Variants in ALK observed in about 807,000 individuals in gnomAD.
ALK encodes the protein ALK receptor tyrosine kinase, also known as ALK tyrosine kinase receptor.
ALK carries 74 observed loss-of-function variants against 163.1 expected under a neutral mutation model. The observed-to-expected ratio is 0.45, with a 90% CI of 0.38 to 0.55. The LOEUF (loss-of-function observed/expected upper bound fraction) is 0.55. ALK is among the 20% of genes least tolerant of loss of function. The pLI, the probability that ALK is intolerant of heterozygous loss-of-function variation, is 0.00. For synonymous variants in ALK, 960 were observed against 843.2 expected (o/e 1.14, Z -2.40); for missense variants, 2,063 against 2,105.3 (o/e 0.98, Z 0.39).
intron 11 of ALK, 26 bp from the exon 12 acceptor site, chr2:29,251,293 A>T (rs1573160840): frequency 6.2e-7 from 1 of 1,608,204 alleles, no homozygotes. Context: ...AGAGGCAGTC[A>T]CTCATGTGGC....
chr2:29,225,343 C>G lies in ALK; in HGVS notation c.3172+118G>C, dbSNP rs1663931865. ...CTGGGCTGCCCTAATCACCACCCCACCCAATTCCAGGGACTAGCATAACGA... is the reference window on the plus strand; with the variant it reads ...CTGGGCTGCCCTAATCACCACCCCAGCCAATTCCAGGGACTAGCATAACGA... On this transcript the variant is annotated intron_variant, in intron 19 of 28. Coordinates refer to ENST00000389048, the MANE Select transcript of ALK (RefSeq NM_004304.5). The G allele has an allele frequency of 4.1e-6, 4 of 975,032 alleles. No individual in the cohort carries two copies. The South Asian group carries it at 5.7e-5, about 14-fold the overall frequency. The allele number at this position is 975,032 out of a possible 1,614,324, so 60.4% of individuals were successfully genotyped here.
At chr2:29,612,658 G>A (rs1008753989) in intron 3 of ALK, among the ~76,000 whole-genome samples, 4 of 152,028 alleles carry the variant, frequency 2.6e-5, no homozygotes, top group African/African-American at 4.8e-5. Context: ...CTGAACGATC[G>A]CCCTCCTGTT....
chr2:29,746,406 T>A (rs899079554), intron 1 of ALK, among the ~76,000 whole-genome samples: 1 of 152,266 alleles, frequency 6.6e-6, no homozygotes, highest in African/African-American at 2.4e-5. Flanking sequence ...TGGTGACAGG[T>A]ACCCAAATTA....
Position 29,239,777 on chromosome 2 carries a change from C to T in ALK, c.2258G>A (p.Arg753Gln), listed in dbSNP as rs187200776. 1.3e-4 allele frequency: 205 copies of T among 1,614,014 alleles called. No homozygotes were observed. Among genetic ancestry groups the T allele is most frequent in the Non-Finnish European group, 1.7e-4 (197 of 1,180,030 alleles). Residue 753 changes from arginine (R) to glutamine (Q), a missense_variant, in exon 13 of 29, where the codon CGG (arginine) becomes CAG (glutamine). This residue lies in a region of ALK where 575 missense variants were observed against 626.6 expected (regional missense o/e 0.92). Transcript: ENST00000389048. ...GGKGGKNTMM[R>Q]SHGVSVLGIF... ...GCCCAGCACAGACACGCCGTGGGAC[C>T]GCATCATGGTGTTCTTCCCGCCTTT...
intron 3 of ALK, among the ~76,000 whole-genome samples, chr2:29,641,636 C>T (rs1676705616): frequency 6.6e-6 from 1 of 152,140 alleles, no homozygotes; most frequent in Non-Finnish European, 1.5e-5. Context: ...CCACCACCCC[C>T]TACTATTAGC....
At chr2:29,421,455 CA>C (rs1446222522) in intron 4 of ALK, among the ~76,000 whole-genome samples, 1 of 151,458 alleles carries the variant, frequency 6.6e-6, no homozygotes, top group East Asian at 1.9e-4. Context: ...CAGCTGAGAA[CA>C]TTGAGAGGAA....
At chr2:29,478,336 G>A (rs974354504) in intron 4 of ALK, among the ~76,000 whole-genome samples, 3 of 152,338 alleles carry the variant, frequency 2.0e-5, no homozygotes, top group Non-Finnish European at 2.9e-5. Flanking sequence ...TCCTGCTTTC[G>A]TATAAAGGGC....
chr2:29,307,662 T>TTTTG (rs575719275), intron 8 of ALK, among the ~76,000 whole-genome samples: 57 of 152,344 alleles, frequency 3.7e-4, no homozygotes, highest in African/African-American at 1.3e-3. Context: ...AATCCAGTGT[T>TTTTG]TTTGTTCACC....
At chr2:29,795,711 T>G (rs915796846) in intron 1 of ALK, among the ~76,000 whole-genome samples, 2 of 152,148 alleles carry the variant, frequency 1.3e-5, no homozygotes, top group Non-Finnish European at 1.5e-5. Context: ...CTTAAAAATT[T>G]TATATGAATC....
chr2:29,442,302 T>C (rs1670565719), intron 4 of ALK, among the ~76,000 whole-genome samples: 1 of 60,244 alleles, frequency 1.7e-5, no homozygotes, highest in South Asian at 7.0e-4. Flanking sequence ...TTTCCTCTGA[T>C]AAATTAAAAA....
chr2:29,794,046 T>G (rs1320075769), intron 1 of ALK, among the ~76,000 whole-genome samples: 7 of 152,198 alleles, frequency 4.6e-5, no homozygotes, highest in Non-Finnish European at 7.4e-5. Flanking sequence ...CTTCTTCTAA[T>G]ATAAGGTTGT....
At position 29,914,849 on chromosome 2, in the gene ALK, G is replaced by C. The variant is rs139088868; in HGVS notation, c.667+5144C>G. ...TTAGTGGAAAGAACTCTGACTTGAA[G>C]GAAAGGGGAACTGTGGTTCTAGTCA... On this transcript the variant is annotated intron_variant, in intron 1 of 28. Transcript: ENST00000389048. 7.2e-5 allele frequency among the ~76,000 whole-genome samples: 11 copies of C among 152,334 alleles called. No homozygotes were observed. The East Asian group carries it at 2.1e-3, about 29-fold the overall frequency.
chr2:29,879,125 T>C (rs1447107193), intron 1 of ALK, among the ~76,000 whole-genome samples: 3 of 152,070 alleles, frequency 2.0e-5, no homozygotes, highest in African/African-American at 7.2e-5. Flanking sequence ...CCCTGCGTGG[T>C]ACTAAAGGGC....
At chr2:29,655,248 T>C (rs1677152955) in intron 3 of ALK, among the ~76,000 whole-genome samples, 1 of 152,112 alleles carries the variant, frequency 6.6e-6, no homozygotes, top group Non-Finnish European at 1.5e-5. Context: ...AAAATGCTGG[T>C]AGGGGCTGAA....
intron 3 of ALK, among the ~76,000 whole-genome samples, chr2:29,598,870 A>C (rs1188044423): frequency 6.6e-6 from 1 of 152,168 alleles, no homozygotes; most frequent in African/African-American, 2.4e-5. Context: ...TAAACATATA[A>C]TTTGTATTAC....
chr2:29,454,060 C>T (rs1438997907), intron 4 of ALK, among the ~76,000 whole-genome samples: 1 of 152,176 alleles, frequency 6.6e-6, no homozygotes, highest in East Asian at 1.9e-4. Flanking sequence ...CCGGATGGAA[C>T]TGTCACAGTC....
intron 3 of ALK, among the ~76,000 whole-genome samples, chr2:29,683,630 G>A (rs1200416819): frequency 6.6e-6 from 1 of 152,158 alleles, no homozygotes; most frequent in African/African-American, 2.4e-5. Context: ...AAATGTGCAT[G>A]ATTACTGCCT....
At chr2:29,896,197 G>T (rs6732577) in intron 1 of ALK, among the ~76,000 whole-genome samples, 4 of 151,854 alleles carry the variant, frequency 2.6e-5, no homozygotes, top group Non-Finnish European at 4.4e-5. Flanking sequence ...AGAGGAAATG[G>T]GTCTTAGAGG....
chr2:29,704,231 C>T (rs1288769985), intron 2 of ALK, among the ~76,000 whole-genome samples: 3 of 152,186 alleles, frequency 2.0e-5, no homozygotes, highest in Admixed American at 6.5e-5. Context: ...AAAACACTGT[C>T]AGTCCTTAAA....
Sources: gnomAD v4.1 joint callset for allele counts (sites outside exome capture counted in the v4.1 genomes callset) on GRCh38, gnomAD v4.1.1 for gene constraint, gnomAD v4.1.1 regional missense constraint, MANE v1.5 for transcripts, NCBI Gene and HGNC (gene_info 2026-07-23, HGNC 2026-07-21) for gene names.